Variants in NETO1 observed in about 807,000 individuals in gnomAD.
The protein encoded by NETO1 is neuropilin and tolloid-like protein 1.
Under a neutral mutation model 61.3 loss-of-function variants are expected in NETO1, and 26 were observed. The ratio of observed to expected loss-of-function variants is 0.42; its 90% CI spans 0.31 to 0.59. NETO1 has a LOEUF of 0.59. Ranked by LOEUF, NETO1 falls within the 20% of genes least tolerant of loss-of-function variation. NETO1 has a pLI of 0.12. For synonymous variants in NETO1, 225 were observed against 225.8 expected (o/e 1.00, Z 0.03); for missense variants, 531 against 662.8 (o/e 0.80, Z 2.18).
At chr18:72,816,009 A>G (rs1297357879) in intron 4 of NETO1, among the ~76,000 whole-genome samples, 3 of 152,102 alleles carry the variant, frequency 2.0e-5, no homozygotes, top group Non-Finnish European at 4.4e-5. Flanking sequence ...AGGTACATAT[A>G]GAGATCAACA....
chr18:72,823,811 T>C (rs904120273), intron 4 of NETO1, among the ~76,000 whole-genome samples: 13 of 152,216 alleles, frequency 8.5e-5, no homozygotes, highest in Non-Finnish European at 1.5e-5. Flanking sequence ...CACTCATTTC[T>C]GCCTTCTTGC....
intron 4 of NETO1, among the ~76,000 whole-genome samples, chr18:72,855,182 T>A (rs535562094): frequency 1.3e-5 from 2 of 152,194 alleles, no homozygotes; most frequent in Non-Finnish European, 2.9e-5. Flanking sequence ...TGAACTGGGA[T>A]AGCATATTGC....
intron 6 of NETO1, 60 bp downstream of exon 6, chr18:72,794,057 G>A (rs2072229005): frequency 1.2e-6 from 2 of 1,606,866 alleles, no homozygotes; most frequent in South Asian, 2.2e-5. Context: ...TCAAAGCAAT[G>A]CTTGTTATAG....
intron 4 of NETO1, among the ~76,000 whole-genome samples, chr18:72,837,466 T>C (rs2073787549): frequency 6.6e-6 from 1 of 152,196 alleles, no homozygotes; most frequent in South Asian, 2.1e-4. Context: ...TAATTAATCA[T>C]TTTGATTTTC....
intron 4 of NETO1, among the ~76,000 whole-genome samples, chr18:72,833,771 C>T (rs1400348833): frequency 4.6e-5 from 7 of 152,134 alleles, no homozygotes; most frequent in Non-Finnish European, 8.8e-5. Context: ...AAATTAATGC[C>T]TTCTTTGGGG....
chr18:72,856,894 C>T (rs912672069), intron 4 of NETO1, among the ~76,000 whole-genome samples: 4 of 152,316 alleles, frequency 2.6e-5, no homozygotes, highest in Middle Eastern at 3.4e-3. Flanking sequence ...AAAAATTAAG[C>T]CAAAATGACA....
intron 4 of NETO1, among the ~76,000 whole-genome samples, chr18:72,832,647 T>A (rs544329097): frequency 1.3e-5 from 2 of 152,340 alleles, no homozygotes; most frequent in East Asian, 3.9e-4. Context: ...CTTCTTAGTG[T>A]CATCCAAGGG....
intron 4 of NETO1, among the ~76,000 whole-genome samples, chr18:72,818,536 A>G (rs1376107037): frequency 6.6e-6 from 1 of 152,200 alleles, no homozygotes; most frequent in African/African-American, 2.4e-5. Context: ...ATGTGATTTC[A>G]TTTTTAGAAA....
At chr18:72,766,790 C>A (rs1192226064) in intron 7 of NETO1, among the ~76,000 whole-genome samples, 7 of 148,736 alleles carry the variant, frequency 4.7e-5, no homozygotes, top group Middle Eastern at 3.4e-3. Flanking sequence ...TATAAAAAAT[C>A]TTTCCTTGTA....
Position 72,830,488 on chromosome 18 carries a change from C to A in NETO1, c.469+28338G>T, listed in dbSNP as rs1474680583. On this transcript the variant is annotated intron_variant, in intron 4 of 10. Transcript: ENST00000327305. This position sits in a 1 kb window ranked among gnomAD's most constrained non-coding sequence, Gnocchi z 4.9. ...AAACAAGGAGTCCAAAAAACAAACA[C>A]AAATGACAAAAATAACAATGATCAT... is the stretch of plus-strand genomic sequence containing the variant. 6.6e-6 allele frequency among the ~76,000 whole-genome samples: 1 copy of A among 152,110 alleles called. No homozygotes were observed. Among genetic ancestry groups the A allele is most frequent in the Non-Finnish European group, 1.5e-5 (1 of 68,008 alleles).
chr18:72,744,095 A>C lies in NETO1; in HGVS notation c.*4084T>G, dbSNP rs2070381669. 6.6e-6 allele frequency: 1 copy of C among 152,348 alleles called. No individual in the cohort carries two copies. The highest frequency in any genetic ancestry group is 1.9e-4 in the East Asian group (1 of 5,188). 9.4% of individuals were successfully genotyped at this position (152,348 alleles called of 1,614,324 possible). On this transcript the variant is annotated 3_prime_UTR_variant, in exon 11 of 11. Coordinates refer to ENST00000327305, the MANE Select transcript of NETO1 (RefSeq NM_138966.5). Reference sequence around the variant, plus strand: ...TTATTTTTCCTACCTCTGAGGAACTAGAGGCATTTTAAGAGAGCATTTACC... The same window carrying C: ...TTATTTTTCCTACCTCTGAGGAACTCGAGGCATTTTAAGAGAGCATTTACC...
At chr18:72,778,893 A>G (rs894704677) in intron 7 of NETO1, among the ~76,000 whole-genome samples, 1 of 152,160 alleles carries the variant, frequency 6.6e-6, no homozygotes, top group Non-Finnish European at 1.5e-5. Flanking sequence ...TGTTAGAGCA[A>G]CATCCCCACA....
chr18:72,770,837 T>C (rs1283876206), intron 7 of NETO1, among the ~76,000 whole-genome samples: 2 of 152,176 alleles, frequency 1.3e-5, no homozygotes, highest in Non-Finnish European at 1.5e-5. Context: ...TAAACAGTGT[T>C]GTGAAATATT....
At chr18:72,839,340 C>T (rs1337908600) in intron 4 of NETO1, among the ~76,000 whole-genome samples, 1 of 152,130 alleles carries the variant, frequency 6.6e-6, no homozygotes, top group Non-Finnish European at 1.5e-5. Flanking sequence ...AATGATTCAT[C>T]TATACAACAG....
chr18:72,768,738 T>C (rs1397809714), intron 7 of NETO1, among the ~76,000 whole-genome samples: 1 of 152,182 alleles, frequency 6.6e-6, no homozygotes, highest in Non-Finnish European at 1.5e-5. Context: ...AGAAGGGCTA[T>C]GAGCCAAGAA....
chr18:72,772,769 A>ATATATATATC (rs1391956040), intron 7 of NETO1, among the ~76,000 whole-genome samples: 1 of 141,392 alleles, frequency 7.1e-6, no homozygotes, highest in African/African-American at 2.6e-5. Context: ...CTATATATAT[A>ATATATATATC]TATATATACA....
chr18:72,760,168 T>C (rs540213285), intron 7 of NETO1, among the ~76,000 whole-genome samples: 2 of 152,298 alleles, frequency 1.3e-5, no homozygotes, highest in Admixed American at 6.5e-5. Context: ...AGATGGAAAT[T>C]GATTTCTATT....
chr18:72,840,908 A>C (rs925777147), intron 4 of NETO1, among the ~76,000 whole-genome samples: 1 of 152,238 alleles, frequency 6.6e-6, no homozygotes, highest in Non-Finnish European at 1.5e-5. Flanking sequence ...TAAGGCTGTT[A>C]ACTACCATTT....
intron 4 of NETO1, among the ~76,000 whole-genome samples, chr18:72,848,570 G>T (rs748708038): frequency 1.3e-5 from 2 of 152,028 alleles, no homozygotes; most frequent in African/African-American, 4.8e-5. Context: ...AAAAGTAGAA[G>T]AATTTAAAAA....
Sources: allele counts gnomAD v4.1 joint callset (sites outside exome capture counted in the v4.1 genomes callset), GRCh38; gene constraint gnomAD v4.1.1; non-coding constraint Gnocchi (gnomAD v3.1); transcripts MANE v1.5; gene names NCBI Gene and HGNC (gene_info 2026-07-23, HGNC 2026-07-21).